Variants in PCP4 observed in about 807,000 individuals in gnomAD.
The protein encoded by PCP4 is calmodulin regulator protein PCP4.
Under a neutral mutation model 10.0 loss-of-function variants are expected in PCP4, and 8 were observed. The ratio of observed to expected loss-of-function variants is 0.80; its 90% CI spans 0.47 to 1.45. PCP4 has a LOEUF of 1.45. PCP4 is among the 40% of genes most tolerant of loss of function. The pLI is 0.00. For missense variants in PCP4, 54 were observed against 74.4 expected, an observed-to-expected ratio of 0.73 and a Z score of 1.01; for synonymous variants, 21 against 23.0, an observed-to-expected ratio of 0.91 and a Z score of 0.24.
chr21:39,929,226 T>G lies in PCP4; in HGVS notation c.*115T>G. The G allele has an allele frequency of 1.0e-6, 1 of 971,782 alleles. No individual in the cohort carries two copies. The allele number at this position is 971,782 out of a possible 1,614,324, so 60.2% of individuals were successfully genotyped here. A position where few individuals can be genotyped will look rare whatever the true frequency, so the allele number is the denominator to read the frequency against. On this transcript the variant is annotated 3_prime_UTR_variant, in exon 3 of 3. Transcript: ENST00000328619. ...CATCCACACACAATCCACACACGCA[T>G]AGCAAACCTCCAATGCATGTACAGA...
At chr21:39,896,632 A>ATT (rs2087458074) in intron 1 of PCP4, among the ~76,000 whole-genome samples, 1 of 152,170 alleles carries the variant, frequency 6.6e-6, no homozygotes, top group Admixed American at 6.5e-5. Context: ...TTATTGGGTT[A>ATT]TTGTCTGCAT....
At chr21:39,896,712 T>G (rs2087458436) in intron 1 of PCP4, among the ~76,000 whole-genome samples, 2 of 152,200 alleles carry the variant, frequency 1.3e-5, no homozygotes, top group Admixed American at 6.5e-5. Flanking sequence ...TCTATTTATT[T>G]ATACCTCTCA....
chr21:39,904,331 C>T (rs773546319), intron 2 of PCP4, among the ~76,000 whole-genome samples: 42 of 152,260 alleles, frequency 2.8e-4, no homozygotes, highest in Non-Finnish European at 5.4e-4. Context: ...TCAAGACCTA[C>T]GTGCTGACTT....
chr21:39,875,786 A>G (rs899213339), intron 1 of PCP4, among the ~76,000 whole-genome samples: 7 of 152,234 alleles, frequency 4.6e-5, no homozygotes, highest in East Asian at 1.9e-4. Flanking sequence ...CCATGTATAC[A>G]CAACAAATTT....
intron 2 of PCP4, among the ~76,000 whole-genome samples, chr21:39,907,341 A>C (rs1183532641): frequency 6.6e-6 from 1 of 152,184 alleles, no homozygotes; most frequent in Middle Eastern, 3.4e-3. Context: ...TCACCCAAGA[A>C]AGCTCTCTAG....
Position 39,910,762 on chromosome 21 carries a change from G to T in PCP4, c.61+12235G>T, listed in dbSNP as rs1324097682. Among the ~76,000 whole-genome samples the T allele has an allele frequency of 2.0e-5, 3 of 152,324 alleles. No homozygotes were observed. The East Asian group carries it at 5.8e-4, about 29-fold the overall frequency. The stretch of plus-strand genomic sequence containing the variant: ...GGCATTTTTGCTGACTGTTTTTAGG[G>T]TCTTCCTCGCCCTTTAGCCATTTCC... On this transcript the variant is annotated intron_variant, in intron 2 of 2. Transcript: ENST00000328619.
At chr21:39,922,809 T>C (rs1447177329) in intron 2 of PCP4, among the ~76,000 whole-genome samples, 5 of 152,332 alleles carry the variant, frequency 3.3e-5, no homozygotes, top group African/African-American at 1.2e-4. Flanking sequence ...TGATAGATTT[T>C]GATTGTCACT....
chr21:39,921,566 T>C (rs1489154914), intron 2 of PCP4, among the ~76,000 whole-genome samples: 1 of 152,262 alleles, frequency 6.6e-6, no homozygotes, highest in East Asian at 1.9e-4. Context: ...GGTGCTGTTA[T>C]AGGCTGAGCC....
intron 2 of PCP4, among the ~76,000 whole-genome samples, chr21:39,927,376 CT>C (rs1233423410): frequency 7.3e-5 from 11 of 149,938 alleles, no homozygotes; most frequent in Admixed American, 1.3e-4. Flanking sequence ...TATCATCTAT[CT>C]ATCTATCTAT....
intron 2 of PCP4, among the ~76,000 whole-genome samples, chr21:39,919,759 T>A (rs1489163113): frequency 4.1e-5 from 6 of 147,860 alleles, no homozygotes; most frequent in African/African-American, 1.5e-4. Flanking sequence ...GTGTGTAATG[T>A]GTATTTGTGT....
intron 2 of PCP4, among the ~76,000 whole-genome samples, chr21:39,924,605 A>G (rs2087611921): frequency 1.3e-5 from 2 of 152,130 alleles, no homozygotes; most frequent in Admixed American, 1.3e-4. Context: ...TGGTGCAATC[A>G]TAGCTCACTG....
intron 2 of PCP4, chr21:39,925,996 T>C (rs1186952739): frequency 8.8e-6 from 4 of 456,040 alleles, no homozygotes; most frequent in African/African-American, 8.0e-5. Flanking sequence ...AGACCATTTG[T>C]ACTGAACCCT....
rs552180238 is a variant in PCP4, at chr21:39,879,137, G to A, written c.9+11627G>A. Among the ~76,000 whole-genome samples the A allele has an allele frequency of 5.9e-5, 9 of 151,896 alleles. No individual in the cohort carries two copies. The South Asian group carries it at 1.3e-3, about 21-fold the overall frequency. ...CCTGAGTAGCTGGGATTACAGGTGC[G>A]CACCACCATGACCAGCTAATTTTGT... is the stretch of plus-strand genomic sequence containing the variant. On this transcript the variant is annotated intron_variant, in intron 1 of 2. Coordinates refer to ENST00000328619, the MANE Select transcript of PCP4 (RefSeq NM_006198.3).
chr21:39,885,381 G>A (rs778160981), intron 1 of PCP4, among the ~76,000 whole-genome samples: 2 of 152,218 alleles, frequency 1.3e-5, no homozygotes, highest in Non-Finnish European at 2.9e-5. Flanking sequence ...GGAGCTCCCG[G>A]TTGCCCTCCC....
At chr21:39,913,788 G>A (rs568195519) in intron 2 of PCP4, among the ~76,000 whole-genome samples, 9 of 152,124 alleles carry the variant, frequency 5.9e-5, no homozygotes, top group African/African-American at 2.2e-4. Context: ...TGTACCCCAC[G>A]TGAAATTCCA....
rs113301993 is a variant in PCP4 at position 39,923,858 on chromosome 21, G to T, written c.62-5126G>T. Among the ~76,000 whole-genome samples, 1,119 of 152,376 alleles carry T rather than the reference G, an allele frequency of 7.3e-3. 13 individuals are homozygous for T. The highest frequency in any genetic ancestry group is 0.025 in the African/African-American group (1,042 of 41,592). ...GCCTCTAGGCCACTAGGAGGGCGTG[G>T]TGTGTGCCCTCGTAGCTAAGGAGAA... On this transcript the variant is annotated intron_variant, in intron 2 of 2. Transcript: ENST00000328619.
chr21:39,920,655 G>T (rs2087592834), intron 2 of PCP4, among the ~76,000 whole-genome samples: 1 of 152,166 alleles, frequency 6.6e-6, no homozygotes, highest in South Asian at 2.1e-4. Context: ...TTTGAATTGT[G>T]CTGTGTTTCA....
At chr21:39,923,564 A>G (rs1359393133) in intron 2 of PCP4, among the ~76,000 whole-genome samples, 2 of 152,184 alleles carry the variant, frequency 1.3e-5, no homozygotes, top group Non-Finnish European at 1.5e-5. Flanking sequence ...AATTTAGTCT[A>G]AAATGCTGCT....
At position 39,898,483 on chromosome 21, in the gene PCP4, G is replaced by A. The variant is rs771760041; in HGVS notation, c.17G>A (p.Gly6Asp). The change falls in exon 2 of 3, where the codon GGT becomes GAT. Residue 6 changes from glycine (G) to aspartate (D), a missense_variant. Gly to Asp is a moderately conservative substitution (Grantham distance 94). Transcript: ENST00000328619. ...TTTATTTTTTGCCTTTAGCGACAAGGTGCTGGGGCAACCAATGGAAAAGAC... is the reference window on the plus strand; with the variant it reads ...TTTATTTTTTGCCTTTAGCGACAAGATGCTGGGGCAACCAATGGAAAAGAC... MSERQ[G>D]AGATNGKDKT... 3.7e-6 allele frequency: 6 copies of A among 1,613,846 alleles called. No individual in the cohort carries two copies. In the East Asian group the frequency reaches 6.7e-5, roughly 18 times the overall value.
Sources: gnomAD v4.1 joint callset for allele counts (sites outside exome capture counted in the v4.1 genomes callset) on GRCh38, gnomAD v4.1.1 for gene constraint, MANE v1.5 for transcripts, NCBI Gene and HGNC (gene_info 2026-07-23, HGNC 2026-07-21) for gene names.